The following GRID2 variants were observed in gnomAD, a reference collection of about 807,000 sequenced individuals.
The protein encoded by GRID2 is glutamate receptor ionotropic, delta-2.
GRID2 carries 33 observed loss-of-function variants against 114.8 expected under a neutral mutation model. The observed-to-expected ratio is 0.29, with a 90% confidence interval of 0.22 to 0.38. The LOEUF (loss-of-function observed/expected upper bound fraction) is 0.38, where lower values mean the gene tolerates loss of function less well. GRID2 is among the 10% of genes least tolerant of loss of function. The pLI is 1.00. For missense variants in GRID2, 1,184 were observed against 1,257.7 expected, an observed-to-expected ratio of 0.94 and a Z score of 0.89; for synonymous variants, 505 against 449.9, an observed-to-expected ratio of 1.12 and a Z score of -1.55.
intron 1 of GRID2, among the ~76,000 whole-genome samples, chr4:92,514,001 A>G (rs916309023): frequency 1.3e-5 from 2 of 151,830 alleles, no homozygotes; most frequent in Non-Finnish European, 2.9e-5. Context: ...TCATTTCATC[A>G]CCTTGAATTG....
chr4:92,649,894 G>C (rs1219977568), intron 2 of GRID2, among the ~76,000 whole-genome samples: 1 of 151,874 alleles, frequency 6.6e-6, no homozygotes, highest in African/African-American at 2.4e-5. Context: ...CTCTTCATAA[G>C]TTATAAATAT....
intron 2 of GRID2, among the ~76,000 whole-genome samples, chr4:93,053,908 T>C (rs1240291378): frequency 6.6e-6 from 1 of 151,972 alleles, no homozygotes; most frequent in Non-Finnish European, 1.5e-5. Context: ...ACTCTGCCCA[T>C]GTGGATTTCT....
At chr4:93,230,289 A>G (rs1377521545) in intron 7 of GRID2, among the ~76,000 whole-genome samples, 4 of 151,980 alleles carry the variant, frequency 2.6e-5, no homozygotes, top group Admixed American at 6.6e-5. Context: ...TTCCAAACTT[A>G]ATTACTGGTT....
At chr4:93,454,495 A>C (rs1723003245) in intron 10 of GRID2, among the ~76,000 whole-genome samples, 1 of 152,114 alleles carries the variant, frequency 6.6e-6, no homozygotes, top group Admixed American at 6.6e-5. Context: ...TGTAAGGACT[A>C]AGTAAAAAAA....
intron 1 of GRID2, among the ~76,000 whole-genome samples, chr4:92,526,177 G>A (rs920092433): frequency 3.3e-5 from 5 of 151,264 alleles, no homozygotes; most frequent in Admixed American, 2.7e-4. Context: ...AAAGAAGGAA[G>A]GAGTCAAGGA....
rs1750974551 is a variant in GRID2, at chr4:92,939,939, A to G, written c.245-145056A>G. 1.4e-5 allele frequency among the ~76,000 whole-genome samples: 2 copies of G among 147,164 alleles called. 1 individual carries two copies. The highest frequency in any genetic ancestry group is 4.6e-4 in the South Asian group (2 of 4,368). The stretch of plus-strand genomic sequence containing the variant: ...CATTGGTGTATATCTCTGTTTTGGT[A>G]CCAGTACCATGCTGTTTTGGTTACT... On this transcript the variant is annotated intron_variant, in intron 2 of 15. Transcript: ENST00000282020.
At chr4:93,255,912 A>G (rs1749527140) in intron 8 of GRID2, among the ~76,000 whole-genome samples, 1 of 152,090 alleles carries the variant, frequency 6.6e-6, no homozygotes, top group Non-Finnish European at 1.5e-5. Flanking sequence ...GACAATCTCT[A>G]TATAATTACA....
intron 8 of GRID2, among the ~76,000 whole-genome samples, chr4:93,357,603 T>C (rs1001072109): frequency 6.6e-6 from 1 of 151,580 alleles, no homozygotes; most frequent in Non-Finnish European, 1.5e-5. Flanking sequence ...AATATTTCAT[T>C]ATTTTGCAGC....
intron 13 of GRID2, among the ~76,000 whole-genome samples, chr4:93,535,572 CTATT>C (rs1451803864): frequency 1.3e-5 from 2 of 151,942 alleles, no homozygotes; most frequent in Non-Finnish European, 2.9e-5. Flanking sequence ...TATCTTTTGT[CTATT>C]TAATAATACC....
intron 1 of GRID2, among the ~76,000 whole-genome samples, chr4:92,511,885 G>C (rs1183927048): frequency 2.6e-5 from 4 of 151,670 alleles, no homozygotes; most frequent in Non-Finnish European, 5.9e-5. Context: ...TTGTATTTTT[G>C]TGCAGCAATC....
At chr4:93,327,447 A>G (rs1420663999) in intron 8 of GRID2, among the ~76,000 whole-genome samples, 1 of 152,028 alleles carries the variant, frequency 6.6e-6, no homozygotes, top group Non-Finnish European at 1.5e-5. Flanking sequence ...TATCCAATCC[A>G]GGAACAAATC....
intron 4 of GRID2, among the ~76,000 whole-genome samples, chr4:93,137,966 GTTTTTTTT>G (rs753814961): frequency 6.4e-5 from 5 of 78,380 alleles, no homozygotes; most frequent in African/African-American, 2.3e-4. Context: ...TTTTTTCTTC[GTTTTTTTT>G]TTTTTTTTTT....
chr4:93,282,884 G>A (rs1261160628), intron 8 of GRID2, among the ~76,000 whole-genome samples: 3 of 151,948 alleles, frequency 2.0e-5, no homozygotes, highest in Admixed American at 6.6e-5. Context: ...CAAACAAGAG[G>A]GGAAGCAAGA....
intron 8 of GRID2, among the ~76,000 whole-genome samples, chr4:93,384,602 C>G (rs1391110500): frequency 6.6e-6 from 1 of 152,062 alleles, no homozygotes; most frequent in African/African-American, 2.4e-5. Flanking sequence ...TTTCCTTGTA[C>G]CCCGTAAAAC....
chr4:93,627,108 A>C (rs1024674701), intron 14 of GRID2, among the ~76,000 whole-genome samples: 2 of 152,214 alleles, frequency 1.3e-5, no homozygotes, highest in Non-Finnish European at 2.9e-5. Flanking sequence ...AGGAGTGCAC[A>C]AAGATTACTG....
At chr4:92,474,771 G>C (rs944680637) in intron 1 of GRID2, among the ~76,000 whole-genome samples, 1 of 151,744 alleles carries the variant, frequency 6.6e-6, no homozygotes, top group African/African-American at 2.4e-5. Context: ...TGAGCATTTT[G>C]TCATATACCT....
At chr4:92,445,351 C>T (rs949129704) in intron 1 of GRID2, among the ~76,000 whole-genome samples, 5 of 152,114 alleles carry the variant, frequency 3.3e-5, no homozygotes, top group Non-Finnish European at 5.9e-5. Context: ...CTTCAAGTAC[C>T]ATATCAGCAT....
intron 8 of GRID2, chr4:93,306,061 C>T (rs903988107): frequency 3.3e-5 from 5 of 152,174 alleles, no homozygotes; most frequent in Non-Finnish European, 7.4e-5. Flanking sequence ...AAGTTGGAAA[C>T]TTTGTTAACG....
chr4:92,683,177 T>TA (rs1353374815), intron 2 of GRID2, among the ~76,000 whole-genome samples: 1 of 151,986 alleles, frequency 6.6e-6, no homozygotes, highest in Non-Finnish European at 1.5e-5. Context: ...CGGGCGCCTG[T>TA]AGTCCCAGCT....
Sources: allele counts gnomAD v4.1 joint callset (sites outside exome capture counted in the v4.1 genomes callset), GRCh38; gene constraint gnomAD v4.1.1; transcripts MANE v1.5; gene names NCBI Gene and HGNC (gene_info 2026-07-23, HGNC 2026-07-21).